SCN11A: variants seen among roughly 807,000 people sequenced by gnomAD.
SCN11A encodes the protein sodium voltage-gated channel alpha subunit 11.
SCN11A carries 122 observed loss-of-function variants against 162.2 expected under a neutral mutation model. That is an observed-to-expected ratio of 0.75 (90% CI 0.65 to 0.87). SCN11A has a LOEUF of 0.87. Ranked by LOEUF, SCN11A falls within the 40% of genes least tolerant of loss-of-function variation. The probability of loss-of-function intolerance (pLI) is 0.00; values close to 1 mark genes in which losing one functional copy is unlikely to be tolerated. For missense variants in SCN11A, 2,015 were observed against 2,181.6 expected, an observed-to-expected ratio of 0.92 and a Z score of 1.52; for synonymous variants, 758 against 751.5, an observed-to-expected ratio of 1.01 and a Z score of -0.14.
At chr3:38,983,519 G>A (rs557381159) in intron 2 of SCN11A, among the ~76,000 whole-genome samples, 2 of 152,266 alleles carry the variant, frequency 1.3e-5, no homozygotes, top group African/African-American at 2.4e-5. Context: ...AGGAAATTCT[G>A]AAACCCTCAA....
chr3:38,922,092 ACT>A lies in SCN11A; in HGVS notation c.713-839_713-838del, dbSNP rs1317861618. On this transcript the variant is annotated intron_variant, in intron 9 of 29. Transcript: ENST00000302328. ...AAGAACAAGTCAACTTCAGCAATCC[ACT>A]GAGTCTCAAGATAGCTGGAGAGATA... Among the ~76,000 whole-genome samples, 5 of 152,338 alleles carry A rather than the reference ACT, an allele frequency of 3.3e-5. No individual in the cohort carries two copies. In the South Asian group the frequency reaches 1.0e-3, roughly 32 times the overall value.
At chr3:38,906,716 C>A (rs1195213158) in intron 14 of SCN11A, among the ~76,000 whole-genome samples, 1 of 152,178 alleles carries the variant, frequency 6.6e-6, no homozygotes, top group Non-Finnish European at 1.5e-5. Flanking sequence ...CTCCTCCAAT[C>A]CCCTGTCTTC....
intron 1 of SCN11A, among the ~76,000 whole-genome samples, chr3:39,041,401 T>C (rs2032046227): frequency 6.6e-6 from 1 of 152,160 alleles, no homozygotes; most frequent in Non-Finnish European, 1.5e-5. Context: ...CTGAAGCACA[T>C]TATAATCAAA....
rs148969894 is a variant in SCN11A, at chr3:38,941,865, A to G, written c.488+3546T>C. 1.0e-3 allele frequency among the ~76,000 whole-genome samples: 154 copies of G among 152,250 alleles called. 2 individuals are homozygous for G. In the East Asian group the frequency reaches 0.027, roughly 26 times the overall value. ...CAAAGCAAAATCCAATTATATAACT[A>G]TATTAAATGTAAATGAACTTTAGTC... On this transcript the variant is annotated intron_variant, in intron 7 of 29. Coordinates refer to ENST00000302328, the MANE Select transcript of SCN11A (RefSeq NM_001349253.2).
At chr3:38,864,807 CA>C (rs2065016956) in intron 27 of SCN11A, among the ~76,000 whole-genome samples, 1 of 152,018 alleles carries the variant, frequency 6.6e-6, no homozygotes, top group African/African-American at 2.4e-5. Flanking sequence ...AGAAAGTTGT[CA>C]AATGGAAAGA....
In SCN11A at chr3:38,907,930, T is replaced by A. The variant is rs188444007; in HGVS notation, c.1473+19A>T. 1.0e-4 allele frequency: 161 copies of A among 1,588,916 alleles called. No homozygotes were observed. The African/African-American group carries it at 2.0e-3, about 20-fold the overall frequency. On this transcript the variant is annotated intron_variant, in intron 14 of 29. Coordinates refer to ENST00000302328, the MANE Select transcript of SCN11A (RefSeq NM_001349253.2). ...CTGGACAGCAATATGGTATCATTAA[T>A]TCCCTGGAAAAGACTTACCTTTTTT... is the stretch of plus-strand genomic sequence containing the variant.
chr3:38,993,437 T>G (rs749157768), intron 2 of SCN11A, among the ~76,000 whole-genome samples: 14 of 152,224 alleles, frequency 9.2e-5, no homozygotes, highest in Non-Finnish European at 1.9e-4. Context: ...TATGCTAGCC[T>G]TGGCTCCCTT....
rs775595513 is a variant in SCN11A at position 39,001,772 on chromosome 3, C to T, written c.-280+30608G>A. ...ATTATTGGCCGGGCGCAGTGGCTCA[C>T]GCCTGTAATCCCAGCACTTTGGGAG... On this transcript the variant is annotated intron_variant, in intron 2 of 29. Coordinates refer to ENST00000302328, the MANE Select transcript of SCN11A (RefSeq NM_001349253.2). 1.9e-4 allele frequency among the ~76,000 whole-genome samples: 29 copies of T among 152,268 alleles called. No homozygotes were observed. The East Asian group carries it at 4.4e-3, about 23-fold the overall frequency.
Position 38,960,358 on chromosome 3 carries a change from C to T in SCN11A, c.-214G>A, listed in dbSNP as rs2066729503. Among the ~76,000 whole-genome samples, 2 of 152,208 alleles carry T rather than the reference C, an allele frequency of 1.3e-5. No homozygotes were observed. Among genetic ancestry groups the T allele is most frequent in the East Asian group, 1.9e-4 (1 of 5,186 alleles). ...GAAGCTCTCCACAGAGCAAGTCTCT[C>T]AGCAGAGTTCGAGCTTCTGCTCCTG... On this transcript the variant is annotated 5_prime_UTR_variant, in exon 3 of 30. It removes the in-frame stop codon of an upstream open reading frame in the 5' UTR. Transcript: ENST00000302328.
chr3:38,905,311 AG>A lies in SCN11A; in HGVS notation c.1483del (p.Leu495Ter), dbSNP rs763788482. ...DEDCQKKPQL[L>X]EQTKRLSQNL... ...CTGGGACAGTCGTTTGGTTTGCTCT[AG>A]GAGCTGTGGCTGTAAGAGAAGGCAT... On this transcript the variant is annotated frameshift_variant, in exon 15 of 30. Coordinates refer to ENST00000302328, the MANE Select transcript of SCN11A (RefSeq NM_001349253.2). LOFTEE classifies it high-confidence loss of function. 9.3e-6 allele frequency: 15 copies of A among 1,613,636 alleles called. No homozygotes were observed. Among genetic ancestry groups the A allele is most frequent in the Non-Finnish European group, 1.3e-5 (15 of 1,179,796 alleles).
rs56291452 is a variant in SCN11A at position 38,961,076 on chromosome 3, A to G, written c.-279-653T>C. On this transcript the variant is annotated intron_variant, in intron 2 of 29. Coordinates refer to ENST00000302328, the MANE Select transcript of SCN11A (RefSeq NM_001349253.2). ...AAGCTATTGTCACCTTCAGGAGACT[A>G]GCTGACAGTCAGCTGAGATAAAGGG... 3.5e-3 allele frequency among the ~76,000 whole-genome samples: 527 copies of G among 152,290 alleles called. 1 individual carries two copies. Among genetic ancestry groups the G allele is most frequent in the African/African-American group, 0.012 (498 of 41,556 alleles).
At chr3:38,966,291 T>C (rs1559559283) in intron 2 of SCN11A, among the ~76,000 whole-genome samples, 1 of 152,206 alleles carries the variant, frequency 6.6e-6, no homozygotes, top group Non-Finnish European at 1.5e-5. Flanking sequence ...GGACATCATT[T>C]TGTGTATCAG....
intron 25 of SCN11A, among the ~76,000 whole-genome samples, chr3:38,871,001 A>AG (rs2065117310): frequency 6.6e-6 from 1 of 152,224 alleles, no homozygotes; most frequent in African/African-American, 2.4e-5. Context: ...GTTACCAGAG[A>AG]GGCTGAAGCT....
chr3:39,036,100 A>C (rs942909191), intron 1 of SCN11A, among the ~76,000 whole-genome samples: 11 of 152,170 alleles, frequency 7.2e-5, no homozygotes, highest in African/African-American at 2.2e-4. Flanking sequence ...GAACTCCTGG[A>C]CTTAAGCAAT....
At chr3:38,960,665 G>A (rs542733889) in intron 2 of SCN11A, among the ~76,000 whole-genome samples, 57 of 152,238 alleles carry the variant, frequency 3.7e-4, no homozygotes, top group African/African-American at 1.3e-3. Context: ...AGAAAAGTCT[G>A]TGTGAAAAGC....
At chr3:38,972,804 T>C (rs867574734) in intron 2 of SCN11A, among the ~76,000 whole-genome samples, 4 of 152,288 alleles carry the variant, frequency 2.6e-5, no homozygotes, top group Middle Eastern at 3.4e-3. Context: ...AAAAAGTCGT[T>C]CTAACACTTA....
chr3:39,010,267 C>G (rs2031089201), intron 2 of SCN11A, among the ~76,000 whole-genome samples: 1 of 151,874 alleles, frequency 6.6e-6, no homozygotes, highest in African/African-American at 2.4e-5. Flanking sequence ...AGGGAGATGG[C>G]ATTTTCCCAA....
At chr3:38,878,168 T>TAATAAATAAATAAATAAATA (rs71085341) in intron 23 of SCN11A, among the ~76,000 whole-genome samples, 1 of 148,274 alleles carries the variant, frequency 6.7e-6, no homozygotes, top group African/African-American at 2.5e-5. Flanking sequence ...TATTGAAATA[T>TAATAAATAAATAAATAAATA]AATAAATAAA....
At chr3:39,042,337 CAT>C (rs1214143141) in intron 1 of SCN11A, among the ~76,000 whole-genome samples, 2 of 152,142 alleles carry the variant, frequency 1.3e-5, no homozygotes, top group African/African-American at 2.4e-5. Flanking sequence ...TAAAGACACA[CAT>C]AGACTGAAAG....
Sources: allele counts gnomAD v4.1 joint callset (sites outside exome capture counted in the v4.1 genomes callset), GRCh38; gene constraint gnomAD v4.1.1; transcripts MANE v1.5; gene names NCBI Gene and HGNC (gene_info 2026-07-23, HGNC 2026-07-21).